Variants in AGAP1 observed in about 807,000 individuals in gnomAD.
The protein encoded by AGAP1 is arf-GAP with GTPase, ANK repeat and PH domain-containing protein 1.
Under a neutral mutation model 105.3 loss-of-function variants are expected in AGAP1, and 29 were observed. The observed-to-expected ratio is 0.28, with a 90% CI of 0.21 to 0.38. AGAP1 has a LOEUF of 0.38. Ranked by LOEUF, AGAP1 falls within the 10% of genes least tolerant of loss-of-function variation. The probability of loss-of-function intolerance (pLI) is 1.00; values close to 1 mark genes in which losing one functional copy is unlikely to be tolerated. For synonymous variants in AGAP1, 509 were observed against 485.9 expected, an observed-to-expected ratio of 1.05 and a Z score of -0.63; for missense variants, 998 against 1,165.1, an observed-to-expected ratio of 0.86 and a Z score of 2.09.
At chr2:235,851,595 G>A (rs996421601) in intron 9 of AGAP1, among the ~76,000 whole-genome samples, 4 of 152,088 alleles carry the variant, frequency 2.6e-5, no homozygotes, top group African/African-American at 9.7e-5. Flanking sequence ...CAGCCGGCGA[G>A]CGCCAGGATG....
intron 15 of AGAP1, 53 bp from the exon 16 acceptor site, chr2:236,049,006 G>C: frequency 6.6e-7 from 1 of 1,505,256 alleles, no homozygotes; most frequent in Non-Finnish European, 9.2e-7. Flanking sequence ...AGAACGGTTG[G>C]AATGATGCAT....
At position 235,799,231 on chromosome 2, in the gene AGAP1, A is replaced by G. The variant is rs1229515355; in HGVS notation, c.802-136A>G. On this transcript the variant is annotated intron_variant, in intron 7 of 17. Transcript: ENST00000304032. This position sits in a 1 kb window ranked among gnomAD's most constrained non-coding sequence, Gnocchi z 5.0. ...TGACACTAATACACCTGGCAAAGCC[A>G]TAGACGCAAGTCAGCCATTCCCATG... 3.1e-6 allele frequency: 3 copies of G among 955,610 alleles called. No individual in the cohort carries two copies. The highest frequency in any genetic ancestry group is 3.1e-6 in the Non-Finnish European group (2 of 635,232). 59.2% of individuals were successfully genotyped at this position (955,610 alleles called of 1,614,324 possible).
rs1207092472 is a variant in AGAP1, at chr2:236,042,211, G to GCTTGGC, written c.1891+1372_1891+1377dup. The stretch of plus-strand genomic sequence containing the variant: ...GCAGGGAGGAGGCCAGCCAGGGTCG[G>GCTTGGC]CTTGGCCGGGAAGGGAGACAGGAGC... On this transcript the variant is annotated intron_variant, in intron 15 of 17. Transcript: ENST00000304032. This position sits in a 1 kb window ranked among gnomAD's most constrained non-coding sequence, Gnocchi z 5.6. 6.6e-6 allele frequency among the ~76,000 whole-genome samples: 1 copy of GCTTGGC among 152,102 alleles called. No homozygotes were observed. The highest frequency in any genetic ancestry group is 1.5e-5 in the Non-Finnish European group (1 of 68,034).
chr2:235,560,119 CTT>C (rs1237229664), intron 1 of AGAP1, among the ~76,000 whole-genome samples: 1 of 152,038 alleles, frequency 6.6e-6, no homozygotes, highest in Non-Finnish European at 1.5e-5. Flanking sequence ...CTGATGGTTT[CTT>C]TTACGTTTAG....
intron 9 of AGAP1, among the ~76,000 whole-genome samples, chr2:235,816,007 G>A (rs1374036364): frequency 6.6e-6 from 1 of 152,216 alleles, no homozygotes; most frequent in African/African-American, 2.4e-5. Flanking sequence ...GGATGTTCAG[G>A]AAGAGCCTGT....
At position 235,686,614 on chromosome 2, in the gene AGAP1, G is replaced by GATATAGATATATATATATATATATAT. The variant is rs1217929617; in HGVS notation, c.164-22538_164-22513dup. 2.0e-3 allele frequency among the ~76,000 whole-genome samples: 74 copies of GATATAGATATATATATATATATATAT among 37,910 alleles called. 1 individual carries two copies. Among genetic ancestry groups the GATATAGATATATATATATATATATAT allele is most frequent in the Non-Finnish European group, 2.8e-3 (55 of 19,762 alleles). 24.9% of individuals were successfully genotyped at this position (37,910 alleles called of 152,430 possible). The stretch of plus-strand genomic sequence containing the variant: ...GTGTGTGTGTATATATATACGTGGA[G>GATATAGATATATATATATATATATAT]ATATAGATATATATATATATATATA... On this transcript the variant is annotated intron_variant, in intron 1 of 17. Coordinates refer to ENST00000304032, the MANE Select transcript of AGAP1 (RefSeq NM_001037131.3).
intron 12 of AGAP1, among the ~76,000 whole-genome samples, chr2:235,950,887 CTTTTTTTTTTTTTTTTTT>C (rs200110792): frequency 2.4e-3 from 282 of 118,236 alleles, no homozygotes; most frequent in Middle Eastern, 9.3e-3. Flanking sequence ...TCTCCAAGCA[CTTTTTTTTTTTTTTTTTT>C]TTTTTTTTTT....
chr2:235,913,382 T>A (rs2051715379), intron 11 of AGAP1, among the ~76,000 whole-genome samples: 3 of 152,346 alleles, frequency 2.0e-5, no homozygotes, highest in Middle Eastern at 3.4e-3. Context: ...TTGTGTGTGA[T>A]AGAAATCTAA....
rs545270408 is a variant in AGAP1, at chr2:236,038,168, A to C, written c.1800+1453A>C. On this transcript the variant is annotated intron_variant, in intron 14 of 17. Coordinates refer to ENST00000304032, the MANE Select transcript of AGAP1 (RefSeq NM_001037131.3). The surrounding 1 kb of genome is among the most constrained non-coding windows in gnomAD (Gnocchi z 4.5). ...CCTGGCTTTACTGGGTCACGTCCACATGCATCCATGATGTGCCTCCTGAAA... is the reference window on the plus strand; with the variant it reads ...CCTGGCTTTACTGGGTCACGTCCACCTGCATCCATGATGTGCCTCCTGAAA... 6.6e-6 allele frequency among the ~76,000 whole-genome samples: 1 copy of C among 152,278 alleles called. No homozygotes were observed. Among genetic ancestry groups the C allele is most frequent in the African/African-American group, 2.4e-5 (1 of 41,554 alleles).
chr2:236,070,171 A>C (rs1259361140), intron 16 of AGAP1, among the ~76,000 whole-genome samples: 2 of 152,140 alleles, frequency 1.3e-5, no homozygotes, highest in African/African-American at 4.8e-5. Context: ...CCCTCCCCAG[A>C]CTCAGTTTCC....
intron 16 of AGAP1, among the ~76,000 whole-genome samples, chr2:236,094,681 G>A (rs761589401): frequency 7.9e-5 from 12 of 151,912 alleles, no homozygotes; most frequent in Non-Finnish European, 1.3e-4. Context: ...TTTCACAAAC[G>A]CAGATGTTCA....
At chr2:235,536,006 T>A (rs2149083494) in intron 1 of AGAP1, among the ~76,000 whole-genome samples, 1 of 152,154 alleles carries the variant, frequency 6.6e-6, no homozygotes, top group Admixed American at 6.5e-5. Context: ...CTCATGCTAC[T>A]AAGTTGTCTT....
chr2:236,064,282 G>T (rs1195003533), intron 16 of AGAP1, among the ~76,000 whole-genome samples: 1 of 152,102 alleles, frequency 6.6e-6, no homozygotes, highest in Non-Finnish European at 1.5e-5. Flanking sequence ...AAATGCTAAA[G>T]CCCAGGACAC....
rs183902014 is a variant in AGAP1 at position 236,090,582 on chromosome 2, G to A, written c.2115-29610G>A. 1.4e-3 allele frequency among the ~76,000 whole-genome samples: 211 copies of A among 152,268 alleles called. No homozygotes were observed. Among genetic ancestry groups the A allele is most frequent in the African/African-American group, 4.4e-3 (181 of 41,558 alleles). On this transcript the variant is annotated intron_variant, in intron 16 of 17. Coordinates refer to ENST00000304032, the MANE Select transcript of AGAP1 (RefSeq NM_001037131.3). This position sits in a 1 kb window ranked among gnomAD's most constrained non-coding sequence, Gnocchi z 4.3. ...CGGAGGGAGGCCTTCCTCCTGCAGC[G>A]TGTTTCCAGTTGTTCGGATTTTTGT...
rs1354409830 is a variant in AGAP1, at chr2:235,716,705, G to A, written c.223-852G>A. Among the ~76,000 whole-genome samples, 1 of 152,092 alleles carries A rather than the reference G, an allele frequency of 6.6e-6. No homozygotes were observed. The highest frequency in any genetic ancestry group is 6.5e-5 in the Admixed American group (1 of 15,274). ...CAGCTTCCCAGAGAAGGCGGCATGGGGGGTATCCAGCTCCCAAGCACAGGG... is the reference window on the plus strand; with the variant it reads ...CAGCTTCCCAGAGAAGGCGGCATGGAGGGTATCCAGCTCCCAAGCACAGGG... On this transcript the variant is annotated intron_variant, in intron 2 of 17. Coordinates refer to ENST00000304032, the MANE Select transcript of AGAP1 (RefSeq NM_001037131.3). The surrounding 1 kb of genome is among the most constrained non-coding windows in gnomAD (Gnocchi z 4.0).
chr2:236,060,934 A>G (rs2058176912), intron 16 of AGAP1, among the ~76,000 whole-genome samples: 1 of 151,768 alleles, frequency 6.6e-6, no homozygotes, highest in African/African-American at 2.4e-5. Context: ...ACAGTGGGGC[A>G]CACCTGTAGT....
chr2:235,696,979 C>T (rs1472435009), intron 1 of AGAP1, among the ~76,000 whole-genome samples: 1 of 149,232 alleles, frequency 6.7e-6, no homozygotes, highest in South Asian at 2.1e-4. Context: ...CCTGGAGACT[C>T]GATCTCAAAA....
Position 235,845,111 on chromosome 2 carries a change from T to C in AGAP1, c.1050+37780T>C, listed in dbSNP as rs2106415097. On this transcript the variant is annotated intron_variant, in intron 9 of 17. Transcript: ENST00000304032. The surrounding 1 kb of genome is among the most constrained non-coding windows in gnomAD (Gnocchi z 4.8). ...CCTCCTAACAAGTCCTGTGTCATCC[T>C]GTTTAGCCGTTCGCTCAAACAGAGA... Among the ~76,000 whole-genome samples the C allele has an allele frequency of 6.6e-6, 1 of 152,338 alleles. No homozygotes were observed. The highest frequency in any genetic ancestry group is 2.1e-4 in the South Asian group (1 of 4,832).
intron 11 of AGAP1, among the ~76,000 whole-genome samples, chr2:235,915,377 CAGAG>C (rs938113590): frequency 1.4e-4 from 21 of 152,172 alleles, no homozygotes; most frequent in African/African-American, 4.1e-4. Flanking sequence ...ATGAGGCAAA[CAGAG>C]AGCACGTGTT....
Sources: gnomAD v4.1 joint callset for allele counts (sites outside exome capture counted in the v4.1 genomes callset) on GRCh38, gnomAD v4.1.1 for gene constraint, Gnocchi (gnomAD v3.1) non-coding constraint, MANE v1.5 for transcripts, NCBI Gene and HGNC (gene_info 2026-07-23, HGNC 2026-07-21) for gene names.